ARHGAP31: variants seen among roughly 807,000 people sequenced by gnomAD.
ARHGAP31 encodes rho GTPase-activating protein 31.
In ARHGAP31, 34 loss-of-function variants were observed where a neutral mutation model predicts 113.9. That is an observed-to-expected ratio of 0.30 (90% CI 0.23 to 0.40). The LOEUF (loss-of-function observed/expected upper bound fraction) is 0.40, where lower values mean the gene tolerates loss of function less well. Ranked by LOEUF, ARHGAP31 falls within the 10% of genes least tolerant of loss-of-function variation. ARHGAP31 has a pLI of 1.00. For synonymous variants in ARHGAP31, 650 were observed against 684.8 expected (o/e 0.95, Z 0.79); for missense variants, 1,548 against 1,767.1 (o/e 0.88, Z 2.22).
intron 1 of ARHGAP31, among the ~76,000 whole-genome samples, chr3:119,335,407 T>C (rs1376058417): frequency 1.3e-5 from 2 of 152,158 alleles, no homozygotes; most frequent in East Asian, 3.9e-4. Flanking sequence ...ATTTATGACA[T>C]TGCCAGGACG....
At chr3:119,410,787 C>T (rs1297016456) in intron 11 of ARHGAP31, among the ~76,000 whole-genome samples, 1 of 152,246 alleles carries the variant, frequency 6.6e-6, no homozygotes, top group African/African-American at 2.4e-5. Flanking sequence ...GCACTGGCAT[C>T]ACTGTAGTGA....
chr3:119,355,524 A>C (rs1285335060), intron 1 of ARHGAP31, among the ~76,000 whole-genome samples: 1 of 149,446 alleles, frequency 6.7e-6, no homozygotes, highest in Non-Finnish European at 1.5e-5. Context: ...TTTAGGGTAC[A>C]TGTGCACAAC....
Position 119,380,886 on chromosome 3 carries a change from T to C in ARHGAP31, c.349-18T>C. ...GCTCTCAAGCACTCACCAGGCTGCC[T>C]TGTGTTCTTCTCCACAGGAGGCAGT... On this transcript the variant is annotated intron_variant, in intron 3 of 11. Coordinates refer to ENST00000264245, the MANE Select transcript of ARHGAP31 (RefSeq NM_020754.4). 6.2e-7 allele frequency: 1 copy of C among 1,613,040 alleles called. No individual in the cohort carries two copies. The highest frequency in any genetic ancestry group is 8.5e-7 in the Non-Finnish European group (1 of 1,179,066).
intron 3 of ARHGAP31, among the ~76,000 whole-genome samples, chr3:119,378,549 TG>T (rs1336754308): frequency 6.6e-6 from 1 of 151,972 alleles, no homozygotes; most frequent in African/African-American, 2.4e-5. Context: ...TAAAGGAGGG[TG>T]GGGTTAGTGG....
chr3:119,330,994 C>CGCT, intron 1 of ARHGAP31, among the ~76,000 whole-genome samples: 1 of 152,332 alleles, frequency 6.6e-6, no homozygotes, highest in East Asian at 1.9e-4. Flanking sequence ...AGATCCACCA[C>CGCT]GCTGCACATT....
In ARHGAP31 at chr3:119,419,786, A is replaced by G. The variant is rs2080807100; in HGVS notation, c.*3522A>G. 1 of 152,252 alleles carries G rather than the reference A, an allele frequency of 6.6e-6. No individual in the cohort carries two copies. Among genetic ancestry groups the G allele is most frequent in the South Asian group, 2.1e-4 (1 of 4,830 alleles). 9.4% of individuals were successfully genotyped at this position (152,252 alleles called of 1,614,324 possible). A position where few individuals can be genotyped will look rare whatever the true frequency, so the allele number is the denominator to read the frequency against. ...TCCCAGTGAGACACTCGGGTATTTGAGAACTTTGCTTGATTTAGAAAACTG... is the reference window on the plus strand; with the variant it reads ...TCCCAGTGAGACACTCGGGTATTTGGGAACTTTGCTTGATTTAGAAAACTG... On this transcript the variant is annotated 3_prime_UTR_variant, in exon 12 of 12. Coordinates refer to ENST00000264245, the MANE Select transcript of ARHGAP31 (RefSeq NM_020754.4).
At chr3:119,391,911 C>G (rs182449934) in intron 7 of ARHGAP31, among the ~76,000 whole-genome samples, 1 of 152,120 alleles carries the variant, frequency 6.6e-6, no homozygotes, top group Non-Finnish European at 1.5e-5. Flanking sequence ...AGCCCCACTG[C>G]TCCTTTCCCT....
chr3:119,355,793 T>C (rs555302280), intron 1 of ARHGAP31, among the ~76,000 whole-genome samples: 2 of 152,336 alleles, frequency 1.3e-5, no homozygotes, highest in African/African-American at 2.4e-5. Flanking sequence ...GCTTCATCCA[T>C]GTCCCTACAA....
In ARHGAP31 at chr3:119,393,504, A is replaced by G. The variant is rs2080522579; in HGVS notation, c.919A>G (p.Ile307Val). 1.2e-6 allele frequency: 2 copies of G among 1,614,202 alleles called. No individual in the cohort carries two copies. Among genetic ancestry groups the G allele is most frequent in the Non-Finnish European group, 1.7e-6 (2 of 1,180,014 alleles). ...CAGTAAATCAAAGAAGTGGAAATCA[A>G]TATTTAACCTGGGACGTTCTGGATC... The part of the protein sequence containing the change: ...LSSKSKKWKS[I>V]FNLGRSGSDS... The change falls in exon 8 of 12, where the codon ATA (isoleucine) becomes GTA (valine). Residue 307 changes from isoleucine to valine, a missense_variant. By Grantham distance (29) the Ile-to-Val change is conservative. Transcript: ENST00000264245.
intron 3 of ARHGAP31, among the ~76,000 whole-genome samples, chr3:119,376,363 C>T (rs1170702237): frequency 6.6e-6 from 1 of 152,100 alleles, no homozygotes; most frequent in African/African-American, 2.4e-5. Context: ...GTAGTGTGCG[C>T]CTGTAATCCC....
chr3:119,324,441 ATAGT>A (rs1333790973), intron 1 of ARHGAP31, among the ~76,000 whole-genome samples: 2 of 152,234 alleles, frequency 1.3e-5, no homozygotes, highest in African/African-American at 4.8e-5. Context: ...ATGAAATACG[ATAGT>A]TATTGTTGGT....
At position 119,414,338 on chromosome 3, in the gene ARHGAP31, C is replaced by T; in HGVS notation, c.2409C>T (p.Gly803=). ...ESTPVLLSKG[G]PEREDSSRKL... ...CTCCAGTCCTGCTTTCAAAGGGCGG[C>T]CCGGAAAGAGAAGACTCATCCAGGA... Residue 803 remains glycine (G), a synonymous_variant, in exon 12 of 12, where the codon GGC becomes GGT. Transcript: ENST00000264245. The T allele has an allele frequency of 6.2e-7, 1 of 1,614,176 alleles. No individual in the cohort carries two copies. The highest frequency in any genetic ancestry group is 8.5e-7 in the Non-Finnish European group (1 of 1,180,032).
chr3:119,399,302 T>TC, intron 9 of ARHGAP31, 41 bp downstream of exon 9: 3 of 1,549,868 alleles, frequency 1.9e-6, no homozygotes, highest in Non-Finnish European at 1.8e-6. Context: ...AGATTACAAC[T>TC]AGGAGGCTGG....
At chr3:119,301,037 C>T (rs1232098357) in intron 1 of ARHGAP31, among the ~76,000 whole-genome samples, 1 of 152,096 alleles carries the variant, frequency 6.6e-6, no homozygotes, top group Non-Finnish European at 1.5e-5. Context: ...GAGAATTAGG[C>T]TTTAAACGTG....
At position 119,336,945 on chromosome 3, in the gene ARHGAP31, A is replaced by G. The variant is rs150269752; in HGVS notation, c.101-28371A>G. On this transcript the variant is annotated intron_variant, in intron 1 of 11. Transcript: ENST00000264245. The stretch of plus-strand genomic sequence containing the variant: ...TTGTTTCTGGCTTCTTACATTTACA[A>G]TATTTTCAAGGGATATCCACATTAA... Among the ~76,000 whole-genome samples the G allele has an allele frequency of 6.4e-3, 981 of 152,268 alleles. 4 individuals carry two copies. The highest frequency in any genetic ancestry group is 0.014 in the Middle Eastern group (4 of 294).
chr3:119,407,082 A>G (rs1345979035), intron 10 of ARHGAP31, among the ~76,000 whole-genome samples: 1 of 152,208 alleles, frequency 6.6e-6, no homozygotes, highest in African/African-American at 2.4e-5. Flanking sequence ...GCGATGGCTC[A>G]CATCTGTAAT....
At chr3:119,313,513 C>G (rs6786522) in intron 1 of ARHGAP31, among the ~76,000 whole-genome samples, 59,540 of 152,036 alleles carry the variant, frequency 0.39, 11,869 homozygotes, top group Non-Finnish European at 0.41. Flanking sequence ...CTTTGCTGAA[C>G]GAACGAGGGT....
chr3:119,362,702 A>C (rs1263618324), intron 1 of ARHGAP31, among the ~76,000 whole-genome samples: 3 of 150,160 alleles, frequency 2.0e-5, no homozygotes, highest in Non-Finnish European at 3.0e-5. Flanking sequence ...TGGGAGGCCA[A>C]GGTTGCAGTG....
At chr3:119,309,492 C>T (rs1487093525) in intron 1 of ARHGAP31, among the ~76,000 whole-genome samples, 1 of 152,048 alleles carries the variant, frequency 6.6e-6, no homozygotes, top group Non-Finnish European at 1.5e-5. Flanking sequence ...CAGTGGCTCA[C>T]ACCTGTAATT....
Sources: allele counts gnomAD v4.1 joint callset (sites outside exome capture counted in the v4.1 genomes callset), GRCh38; gene constraint gnomAD v4.1.1; transcripts MANE v1.5; gene names NCBI Gene and HGNC (gene_info 2026-07-23, HGNC 2026-07-21).